The following CDKAL1 variants were observed in gnomAD, a reference collection of about 807,000 sequenced individuals.
The protein encoded by CDKAL1 is CDKAL1 threonylcarbamoyladenosine tRNA methylthiotransferase.
Under a neutral mutation model 68.2 loss-of-function variants are expected in CDKAL1, and 32 were observed. The ratio of observed to expected loss-of-function variants is 0.47; its 90% confidence interval spans 0.35 to 0.63. CDKAL1 has a LOEUF of 0.63. Ranked by LOEUF, CDKAL1 falls within the 30% of genes least tolerant of loss-of-function variation. CDKAL1 has a pLI of 0.00. For missense variants in CDKAL1, 606 were observed against 696.7 expected (o/e 0.87, Z 1.47); for synonymous variants, 234 against 244.3 (o/e 0.96, Z 0.39).
At chr6:20,728,500 T>C (rs6908425) in intron 5 of CDKAL1, among the ~76,000 whole-genome samples, 118,964 of 152,050 alleles carry the variant, frequency 0.78, 46,608 homozygotes, top group Middle Eastern at 0.84. Context: ...GTATGGCTTA[T>C]TGAGATTATT....
chr6:21,057,368 T>A (rs1398167991), intron 11 of CDKAL1, among the ~76,000 whole-genome samples: 1 of 152,130 alleles, frequency 6.6e-6, no homozygotes, highest in African/African-American at 2.4e-5. Context: ...AGTGGTGATA[T>A]CTGCTTTATC....
At chr6:21,208,762 G>C (rs111328308) in intron 15 of CDKAL1, among the ~76,000 whole-genome samples, 4 of 152,220 alleles carry the variant, frequency 2.6e-5, no homozygotes, top group African/African-American at 9.6e-5. Context: ...TGGTTAGGAC[G>C]TATTTGAGTT....
intron 2 of CDKAL1, among the ~76,000 whole-genome samples, chr6:20,543,688 C>T (rs1418092016): frequency 2.0e-5 from 3 of 146,622 alleles, no homozygotes; most frequent in African/African-American, 5.0e-5. Context: ...AGAAGATTTT[C>T]TCCTGTGATT....
intron 8 of CDKAL1, among the ~76,000 whole-genome samples, chr6:20,804,920 C>G (rs994671293): frequency 3.3e-5 from 5 of 152,140 alleles, no homozygotes; most frequent in African/African-American, 1.2e-4. Flanking sequence ...CTGTGACCAG[C>G]CCAGAATAAA....
At chr6:20,791,022 G>T (rs1775877286) in intron 8 of CDKAL1, among the ~76,000 whole-genome samples, 1 of 152,196 alleles carries the variant, frequency 6.6e-6, no homozygotes, top group Admixed American at 6.5e-5. Context: ...TGAGAAGACA[G>T]GTTCTCAATC....
intron 6 of CDKAL1, among the ~76,000 whole-genome samples, chr6:20,751,895 C>G (rs1773937698): frequency 6.6e-6 from 1 of 152,198 alleles, no homozygotes; most frequent in East Asian, 1.9e-4. Flanking sequence ...GTATTCAGAG[C>G]CTCAATTTAT....
intron 4 of CDKAL1, among the ~76,000 whole-genome samples, chr6:20,565,724 GGTTCT>G (rs1764436216): frequency 6.6e-6 from 1 of 152,052 alleles, no homozygotes; most frequent in Admixed American, 6.6e-5. Context: ...ATTTGACAGT[GGTTCT>G]GTGAGCTATG....
At chr6:20,882,156 A>G (rs1031135826) in intron 9 of CDKAL1, among the ~76,000 whole-genome samples, 1 of 152,178 alleles carries the variant, frequency 6.6e-6, no homozygotes, top group African/African-American at 2.4e-5. Context: ...CCTCTGAAGA[A>G]GGTCATAAGA....
intron 11 of CDKAL1, among the ~76,000 whole-genome samples, chr6:21,063,856 G>C (rs1771273702): frequency 6.6e-6 from 1 of 152,120 alleles, no homozygotes; most frequent in African/African-American, 2.4e-5. Flanking sequence ...GAGTCCCTGA[G>C]AGAAAAATTA....
chr6:21,198,162 T>C, intron 14 of CDKAL1, 58 bp downstream of exon 14: 1 of 1,236,086 alleles, frequency 8.1e-7, no homozygotes, highest in Non-Finnish European at 1.2e-6. Context: ...GTTCTGAAAG[T>C]TTAAGCAAAG....
intron 13 of CDKAL1, among the ~76,000 whole-genome samples, chr6:21,176,919 G>T (rs1777608006): frequency 6.6e-6 from 1 of 151,830 alleles, no homozygotes; most frequent in Non-Finnish European, 1.5e-5. Context: ...GGCTGGTGTT[G>T]AATTCATGAC....
At chr6:21,228,296 A>C (rs1779828758) in intron 15 of CDKAL1, among the ~76,000 whole-genome samples, 2 of 152,122 alleles carry the variant, frequency 1.3e-5, no homozygotes, top group Admixed American at 6.6e-5. Flanking sequence ...TGAAGACAAG[A>C]GTGTGAGCGA....
intron 12 of CDKAL1, among the ~76,000 whole-genome samples, chr6:21,103,129 C>G (rs1773664538): frequency 6.6e-6 from 1 of 152,036 alleles, no homozygotes; most frequent in African/African-American, 2.4e-5. Context: ...ATAATAACAC[C>G]ATTTTATTTG....
At chr6:21,108,661 A>C (rs9460597) in intron 13 of CDKAL1, among the ~76,000 whole-genome samples, 198 bp downstream of exon 13, 21,145 of 152,166 alleles carry the variant, frequency 0.14, 1,669 homozygotes, top group African/African-American at 0.21. Context: ...TATTTTATTC[A>C]CATTGAAATC....
At chr6:20,899,829 C>T (rs1272346605) in intron 9 of CDKAL1, among the ~76,000 whole-genome samples, 8 of 152,086 alleles carry the variant, frequency 5.3e-5, no homozygotes, top group East Asian at 1.9e-4. Flanking sequence ...GGCGACAGAG[C>T]GAAACTCCGT....
intron 13 of CDKAL1, among the ~76,000 whole-genome samples, chr6:21,170,700 A>G (rs1263361175): frequency 6.6e-6 from 1 of 152,140 alleles, no homozygotes; most frequent in Non-Finnish European, 1.5e-5. Context: ...CACTATTTCT[A>G]AAATGTTTCT....
chr6:20,583,479 A>C (rs559078661), intron 4 of CDKAL1, among the ~76,000 whole-genome samples: 8 of 152,322 alleles, frequency 5.3e-5, no homozygotes, highest in Non-Finnish European at 1.2e-4. Context: ...GAAAACCTTA[A>C]TATTTGAATC....
intron 9 of CDKAL1, among the ~76,000 whole-genome samples, chr6:20,874,524 A>C (rs1760397626): frequency 6.6e-6 from 1 of 150,388 alleles, no homozygotes; most frequent in Non-Finnish European, 1.5e-5. Flanking sequence ...TTTATTTTTA[A>C]ACTTTTTTTG....
chr6:20,875,589 G>A (rs1760471551), intron 9 of CDKAL1, among the ~76,000 whole-genome samples: 1 of 152,096 alleles, frequency 6.6e-6, no homozygotes, highest in Admixed American at 6.5e-5. Flanking sequence ...AGCGCTGTAA[G>A]CATTTAATTT....
Sources: allele counts gnomAD v4.1 joint callset (sites outside exome capture counted in the v4.1 genomes callset), GRCh38; gene constraint gnomAD v4.1.1; transcripts MANE v1.5; gene names NCBI Gene and HGNC (gene_info 2026-07-23, HGNC 2026-07-21).